AGBL4: variants seen among roughly 807,000 people sequenced by gnomAD.
AGBL4 encodes the protein AGBL carboxypeptidase 4.
AGBL4 carries 58 observed loss-of-function variants against 66.4 expected under a neutral mutation model. The observed-to-expected ratio is 0.87, with a 90% CI of 0.71 to 1.09. The LOEUF (loss-of-function observed/expected upper bound fraction) is 1.09. AGBL4 is among the 50% of genes least tolerant of loss of function. The pLI is 0.00. For missense variants in AGBL4, 579 were observed against 631.0 expected, an observed-to-expected ratio of 0.92 and a Z score of 0.88; for synonymous variants, 234 against 222.9, an observed-to-expected ratio of 1.05 and a Z score of -0.44.
Position 49,500,404 on chromosome 1 carries a change from C to CTT in AGBL4, c.282+196907_282+196908dup, listed in dbSNP as rs398102706. ...GTTTAATTAGGTCCCATCTATTTAT[C>CTT]TTTTTTTTTTTTGCATTTGCTTTTG... On this transcript the variant is annotated intron_variant, in intron 3 of 13. Transcript: ENST00000371839. 1.2e-3 allele frequency among the ~76,000 whole-genome samples: 177 copies of CTT among 143,766 alleles called. 2 individuals are homozygous for CTT. Among genetic ancestry groups the CTT allele is most frequent in the East Asian group, 8.3e-3 (41 of 4,912 alleles). The allele number at this position is 143,766 out of a possible 152,430, so 94.3% of individuals were successfully genotyped here. A position where few individuals can be genotyped will look rare whatever the true frequency, so the allele number is the denominator to read the frequency against.
intron 3 of AGBL4, among the ~76,000 whole-genome samples, chr1:49,340,049 C>T (rs1461401525): frequency 1.3e-5 from 2 of 152,134 alleles, no homozygotes; most frequent in African/African-American, 4.8e-5. Flanking sequence ...GGAAATAATG[C>T]ATATCACTTC....
chr1:48,817,103 G>GA (rs907209226), intron 6 of AGBL4, among the ~76,000 whole-genome samples: 1 of 151,892 alleles, frequency 6.6e-6, no homozygotes, highest in Non-Finnish European at 1.5e-5. Context: ...GAAAAACTGG[G>GA]AAAAAAAATG....
At chr1:49,395,848 TACAC>T (rs60839144) in intron 3 of AGBL4, among the ~76,000 whole-genome samples, 3 of 126,422 alleles carry the variant, frequency 2.4e-5, no homozygotes, top group African/African-American at 1.0e-4. Context: ...TATATATATA[TACAC>T]ACATAAATAT....
Position 49,348,714 on chromosome 1 carries a change from G to A in AGBL4, c.283-102850C>T, listed in dbSNP as rs1016356535. 7.9e-5 allele frequency among the ~76,000 whole-genome samples: 12 copies of A among 152,306 alleles called. No homozygotes were observed. The South Asian group carries it at 1.7e-3, about 21-fold the overall frequency. Reference sequence around the variant, plus strand: ...GAATAGATTTCCATAGTTTTAATCCGTCTAATTTGTGGTAAGTTCTTAGAG... The same window carrying A: ...GAATAGATTTCCATAGTTTTAATCCATCTAATTTGTGGTAAGTTCTTAGAG... On this transcript the variant is annotated intron_variant, in intron 3 of 13. Coordinates refer to ENST00000371839, the MANE Select transcript of AGBL4 (RefSeq NM_032785.4).
intron 5 of AGBL4, among the ~76,000 whole-genome samples, chr1:48,981,955 A>C (rs1484560308): frequency 6.6e-6 from 1 of 152,230 alleles, no homozygotes; most frequent in African/African-American, 2.4e-5. Flanking sequence ...GGGTGAGGGT[A>C]GGAGCCAAGG....
chr1:49,585,743 C>G (rs993690384), intron 3 of AGBL4, among the ~76,000 whole-genome samples: 2 of 152,134 alleles, frequency 1.3e-5, no homozygotes, highest in Non-Finnish European at 2.9e-5. Context: ...ACTTATTACA[C>G]ATTAATTAGA....
At chr1:49,381,496 G>T (rs1454885243) in intron 3 of AGBL4, among the ~76,000 whole-genome samples, 2 of 152,104 alleles carry the variant, frequency 1.3e-5, no homozygotes, top group Non-Finnish European at 2.9e-5. Flanking sequence ...CCATTACTGG[G>T]TATATACCCA....
chr1:49,921,934 C>T (rs1332074547), intron 1 of AGBL4, among the ~76,000 whole-genome samples: 1 of 152,060 alleles, frequency 6.6e-6, no homozygotes, highest in African/African-American at 2.4e-5. Context: ...ACTAATACAA[C>T]CAAAAAAATA....
intron 1 of AGBL4, among the ~76,000 whole-genome samples, chr1:49,957,287 T>G (rs1227837516): frequency 6.6e-6 from 1 of 152,112 alleles, no homozygotes; most frequent in Non-Finnish European, 1.5e-5. Flanking sequence ...AACTATGTGG[T>G]CAATTTTGGA....
chr1:49,880,618 T>A (rs1467790035), intron 1 of AGBL4, among the ~76,000 whole-genome samples: 1 of 152,112 alleles, frequency 6.6e-6, no homozygotes, highest in Non-Finnish European at 1.5e-5. Context: ...TTTTTGTTTG[T>A]CTGTGCCCTG....
chr1:49,183,757 A>G (rs1646968667), intron 4 of AGBL4, among the ~76,000 whole-genome samples: 1 of 152,194 alleles, frequency 6.6e-6, no homozygotes, highest in South Asian at 2.1e-4. Flanking sequence ...AAACTGAAAA[A>G]TAGCCTGCCC....
intron 1 of AGBL4, among the ~76,000 whole-genome samples, chr1:49,950,131 T>C (rs1656010580): frequency 7.0e-6 from 1 of 141,988 alleles, no homozygotes; most frequent in Non-Finnish European, 1.5e-5. Flanking sequence ...CATATGTGTA[T>C]ATATATACAC....
chr1:49,211,772 G>T (rs971835101), intron 4 of AGBL4, among the ~76,000 whole-genome samples: 9 of 152,042 alleles, frequency 5.9e-5, no homozygotes, highest in African/African-American at 9.7e-5. Flanking sequence ...TATAAACACA[G>T]ATGTAAGAAT....
At chr1:49,480,708 T>C (rs1646938365) in intron 3 of AGBL4, among the ~76,000 whole-genome samples, 1 of 152,126 alleles carries the variant, frequency 6.6e-6, no homozygotes, top group Non-Finnish European at 1.5e-5. Context: ...ATGAAATATT[T>C]GCCCCTGCTT....
intron 6 of AGBL4, among the ~76,000 whole-genome samples, chr1:48,801,875 C>T (rs1010457375): frequency 3.3e-5 from 5 of 151,596 alleles, no homozygotes; most frequent in South Asian, 2.1e-4. Context: ...GTCTTCCATC[C>T]GCCATTTCTC....
chr1:49,127,412 C>A (rs185167207), intron 4 of AGBL4, among the ~76,000 whole-genome samples: 1 of 152,098 alleles, frequency 6.6e-6, no homozygotes, highest in South Asian at 2.1e-4. Flanking sequence ...CCAAATACCA[C>A]CTGTTCCTCA....
At chr1:48,598,920 A>C (rs935017898) in intron 9 of AGBL4, among the ~76,000 whole-genome samples, 2 of 152,166 alleles carry the variant, frequency 1.3e-5, no homozygotes, top group African/African-American at 4.8e-5. Context: ...AACACATTAT[A>C]CAGCTGCACA....
chr1:49,932,026 A>G (rs1653414720), intron 1 of AGBL4, among the ~76,000 whole-genome samples: 1 of 152,214 alleles, frequency 6.6e-6, no homozygotes, highest in African/African-American at 2.4e-5. Context: ...GGGTTGGCAG[A>G]TTAATAATGA....
At chr1:49,395,208 T>C (rs1220587608) in intron 3 of AGBL4, among the ~76,000 whole-genome samples, 3 of 152,142 alleles carry the variant, frequency 2.0e-5, no homozygotes, top group Admixed American at 6.5e-5. Context: ...TGAACACTGA[T>C]TATGTATTAG....
Sources: gnomAD v4.1 joint callset for allele counts (sites outside exome capture counted in the v4.1 genomes callset) on GRCh38, gnomAD v4.1.1 for gene constraint, MANE v1.5 for transcripts, NCBI Gene and HGNC (gene_info 2026-07-23, HGNC 2026-07-21) for gene names.